The following GPC5 variants were observed in gnomAD, a reference collection of about 807,000 sequenced individuals.
The protein encoded by GPC5 is glypican 5.
Under a neutral mutation model 53.9 loss-of-function variants are expected in GPC5, and 47 were observed. The observed-to-expected ratio is 0.87, with a 90% confidence interval of 0.69 to 1.11. GPC5 has a LOEUF of 1.11. Among genes scored for constraint, GPC5 ranks in the 50% most tolerant of loss-of-function variants. GPC5 has a pLI of 0.00. For synonymous variants in GPC5, 286 were observed against 263.3 expected (o/e 1.09, Z -0.84); for missense variants, 748 against 713.1 (o/e 1.05, Z -0.56).
chr13:92,234,029 G>A (rs2042551141), intron 7 of GPC5, among the ~76,000 whole-genome samples: 2 of 152,284 alleles, frequency 1.3e-5, no homozygotes, highest in South Asian at 4.1e-4. Context: ...TGGTGTATAT[G>A]TGCCACATTT....
At chr13:92,466,302 C>T (rs188335142) in intron 7 of GPC5, among the ~76,000 whole-genome samples, 48 of 151,998 alleles carry the variant, frequency 3.2e-4, no homozygotes, top group Non-Finnish European at 6.2e-4. Flanking sequence ...TAGAAAATGG[C>T]GATTTTGATG....
chr13:92,150,219 C>T (rs749728220), intron 7 of GPC5, among the ~76,000 whole-genome samples: 58 of 151,942 alleles, frequency 3.8e-4, no homozygotes, highest in Non-Finnish European at 4.4e-4. Context: ...AATGATTGCA[C>T]ACTTTGATCT....
At chr13:92,042,497 GA>G (rs909366471) in intron 6 of GPC5, among the ~76,000 whole-genome samples, 32 of 148,562 alleles carry the variant, frequency 2.2e-4, no homozygotes, top group Admixed American at 4.7e-4. Flanking sequence ...AAAACAAATG[GA>G]AAAAAAAAAT....
intron 6 of GPC5, among the ~76,000 whole-genome samples, chr13:92,114,978 T>C (rs1181437696): frequency 5.3e-5 from 8 of 152,336 alleles, no homozygotes; most frequent in Middle Eastern, 3.4e-3. Flanking sequence ...CTTTTGAAAG[T>C]AGTTTTATTC....
chr13:91,848,350 C>T (rs370152753), intron 5 of GPC5, among the ~76,000 whole-genome samples: 11 of 152,092 alleles, frequency 7.2e-5, no homozygotes, highest in Non-Finnish European at 1.5e-4. Flanking sequence ...TCTCGCATAC[C>T]GAAAACTAGT....
intron 7 of GPC5, among the ~76,000 whole-genome samples, chr13:92,195,827 C>T (rs1040251820): frequency 6.6e-6 from 1 of 151,808 alleles, no homozygotes; most frequent in Non-Finnish European, 1.5e-5. Context: ...TAACTTTATC[C>T]CGGGTTTTCA....
intron 2 of GPC5, among the ~76,000 whole-genome samples, chr13:91,674,198 C>T (rs759947628): frequency 9.2e-5 from 14 of 151,790 alleles, no homozygotes; most frequent in East Asian, 1.9e-4. Flanking sequence ...TGAGGTGTCC[C>T]GGTGTTTGGA....
At chr13:92,594,596 C>T (rs1010251967) in intron 7 of GPC5, among the ~76,000 whole-genome samples, 4 of 152,178 alleles carry the variant, frequency 2.6e-5, no homozygotes, top group Non-Finnish European at 5.9e-5. Context: ...TCTTCTACAT[C>T]TTTGCTAACC....
At chr13:91,427,516 T>C in intron 1 of GPC5, among the ~76,000 whole-genome samples, 1 of 152,234 alleles carries the variant, frequency 6.6e-6, no homozygotes, top group Admixed American at 6.5e-5. Flanking sequence ...CCATTTGGAA[T>C]GAGAACATTT....
At chr13:92,039,115 A>C (rs1297485198) in intron 6 of GPC5, among the ~76,000 whole-genome samples, 1 of 152,210 alleles carries the variant, frequency 6.6e-6, no homozygotes, top group African/African-American at 2.4e-5. Flanking sequence ...GCCAGACTGC[A>C]GTGGGTTTGG....
chr13:92,363,624 C>T (rs952652662), intron 7 of GPC5, among the ~76,000 whole-genome samples: 4 of 151,718 alleles, frequency 2.6e-5, no homozygotes, highest in African/African-American at 9.8e-5. Flanking sequence ...AGCCTGGTAC[C>T]AGTCCAGGGC....
At chr13:91,632,487 A>G (rs1011137313) in intron 2 of GPC5, among the ~76,000 whole-genome samples, 2 of 152,144 alleles carry the variant, frequency 1.3e-5, no homozygotes, top group Non-Finnish European at 2.9e-5. Context: ...GGAAGATGAA[A>G]ACAGGAGGGT....
rs193280816 is a variant in GPC5, at chr13:92,275,041, A to G, written c.1561+130052A>G. On this transcript the variant is annotated intron_variant, in intron 7 of 7. Coordinates refer to ENST00000377067, the MANE Select transcript of GPC5 (RefSeq NM_004466.6). ...AATATGCAGAAAATCCCTTCCCTTG[A>G]GCATAAGATAATAGATGAATTTGCT... 1.2e-3 allele frequency among the ~76,000 whole-genome samples: 182 copies of G among 152,160 alleles called. 1 individual carries two copies. The highest frequency in any genetic ancestry group is 6.4e-3 in the East Asian group (33 of 5,178).
intron 6 of GPC5, chr13:91,996,171 A>T (rs2040502225): frequency 6.6e-6 from 1 of 152,144 alleles, no homozygotes; most frequent in Non-Finnish European, 1.5e-5. Context: ...CTAGATATTG[A>T]TGTGGTTTAT....
intron 7 of GPC5, among the ~76,000 whole-genome samples, chr13:92,619,233 C>T (rs1200277366): frequency 1.3e-5 from 2 of 151,878 alleles, no homozygotes; most frequent in East Asian, 3.9e-4. Context: ...TTAATAATCA[C>T]TAATGTGTTT....
chr13:91,753,990 T>C lies in GPC5; in HGVS notation c.1155-2305T>C, dbSNP rs1418431411. 2.0e-5 allele frequency among the ~76,000 whole-genome samples: 3 copies of C among 152,186 alleles called. No homozygotes were observed. The East Asian group carries it at 5.8e-4, about 29-fold the overall frequency. On this transcript the variant is annotated intron_variant, in intron 4 of 7. Coordinates refer to ENST00000377067, the MANE Select transcript of GPC5 (RefSeq NM_004466.6). Reference sequence around the variant, plus strand: ...ATAAAAAACTTAGTACTCAGTAGCATTTATTACTTTTTGACCAATAATTTA... The same window carrying C: ...ATAAAAAACTTAGTACTCAGTAGCACTTATTACTTTTTGACCAATAATTTA...
intron 7 of GPC5, among the ~76,000 whole-genome samples, chr13:92,287,269 T>C (rs2042962584): frequency 6.6e-6 from 1 of 152,230 alleles, no homozygotes; most frequent in African/African-American, 2.4e-5. Context: ...AGTTGTTTTA[T>C]GGATAAACAT....
intron 7 of GPC5, among the ~76,000 whole-genome samples, chr13:92,435,929 C>T (rs751948804): frequency 6.6e-6 from 1 of 152,142 alleles, no homozygotes; most frequent in Non-Finnish European, 1.5e-5. Context: ...TACAGCACTT[C>T]ATTTGCCAAA....
chr13:92,430,071 T>G (rs1273791513), intron 7 of GPC5, among the ~76,000 whole-genome samples: 1 of 151,994 alleles, frequency 6.6e-6, no homozygotes, highest in African/African-American at 2.4e-5. Flanking sequence ...GAACAGCATG[T>G]TGTACATAAT....
Sources: allele counts gnomAD v4.1 joint callset (sites outside exome capture counted in the v4.1 genomes callset), GRCh38; gene constraint gnomAD v4.1.1; transcripts MANE v1.5; gene names NCBI Gene and HGNC (gene_info 2026-07-23, HGNC 2026-07-21).